Variants in ZNF536 observed in about 807,000 individuals in gnomAD.
ZNF536 encodes zinc finger protein 536.
In ZNF536, 13 loss-of-function variants were observed where a neutral mutation model predicts 84.5. The observed-to-expected ratio is 0.15, with a 90% CI of 0.10 to 0.24. The LOEUF (loss-of-function observed/expected upper bound fraction) is 0.24. Ranked by LOEUF, ZNF536 falls within the 10% of genes least tolerant of loss-of-function variation. ZNF536 has a pLI of 1.00. For synonymous variants in ZNF536, 811 were observed against 742.5 expected, an observed-to-expected ratio of 1.09 and a Z score of -1.50; for missense variants, 1,536 against 1,747.5, an observed-to-expected ratio of 0.88 and a Z score of 2.16.
At chr19:30,676,932 C>T (rs187760408) in intron 1 of ZNF536, among the ~76,000 whole-genome samples, 26 of 152,276 alleles carry the variant, frequency 1.7e-4, no homozygotes, top group African/African-American at 6.3e-4. Context: ...TCTCAAACTC[C>T]TGGCCTCATG....
At chr19:30,340,536 G>C (rs1056786806) in intron 2 of ZNF536, among the ~76,000 whole-genome samples, 1 of 152,144 alleles carries the variant, frequency 6.6e-6, no homozygotes, top group Admixed American at 6.5e-5. Flanking sequence ...CCTAGTGAAG[G>C]GTTGTTTTCT....
At chr19:30,712,211 CAGA>C (rs1266841225) in exon 2 of ZNF536, 2 of 152,034 alleles carry the variant, frequency 1.3e-5, no homozygotes, top group Non-Finnish European at 2.9e-5. Flanking sequence ...CTGCACCACA[CAGA>C]AGGAGATTTT....
At chr19:30,457,739 G>A (rs573294211) in intron 2 of ZNF536, among the ~76,000 whole-genome samples, 6 of 152,202 alleles carry the variant, frequency 3.9e-5, no homozygotes, top group East Asian at 1.9e-4. Context: ...CAGCTGGAGC[G>A]TGCAGAGAAC....
upstream of ZNF536, among the ~76,000 whole-genome samples, chr19:30,371,801 A>AAT (rs111342822): frequency 2.6e-3 from 382 of 147,992 alleles, 3 homozygotes; most frequent in South Asian, 0.016. Flanking sequence ...ATATATAGAG[A>AAT]ATATATATAT....
chr19:30,700,640 GCCTCCTAA>G (rs1280588479), intron 1 of ZNF536, among the ~76,000 whole-genome samples: 7 of 152,078 alleles, frequency 4.6e-5, no homozygotes, highest in Non-Finnish European at 1.0e-4. Context: ...TCCTGCCTTG[GCCTCCTAA>G]AGCTGTGGAA....
intron 2 of ZNF536, among the ~76,000 whole-genome samples, chr19:30,515,917 C>T (rs1422085783): frequency 6.6e-6 from 1 of 150,646 alleles, no homozygotes; most frequent in African/African-American, 2.4e-5. Context: ...TTCCCAGCTA[C>T]TCGTGGGGCT....
chr19:30,507,538 C>T (rs936014633), intron 2 of ZNF536, among the ~76,000 whole-genome samples: 6 of 152,052 alleles, frequency 3.9e-5, no homozygotes, highest in African/African-American at 1.4e-4. Context: ...TAGGGAGAGA[C>T]AGAAACTTAG....
intron 1 of ZNF536, among the ~76,000 whole-genome samples, chr19:30,441,575 A>G (rs2052050380): frequency 6.6e-6 from 1 of 152,188 alleles, no homozygotes; most frequent in Non-Finnish European, 1.5e-5. Flanking sequence ...TGTTGAATGA[A>G]TGCAGCAACC....
chr19:30,539,571 G>T (rs1454285406), intron 3 of ZNF536, among the ~76,000 whole-genome samples: 1 of 152,208 alleles, frequency 6.6e-6, no homozygotes, highest in Non-Finnish European at 1.5e-5. Context: ...GTTGTAACAT[G>T]CAATGGGGAG....
intron 1 of ZNF536, among the ~76,000 whole-genome samples, chr19:30,598,707 G>T (rs1452069286): frequency 1.3e-5 from 2 of 152,040 alleles, no homozygotes; most frequent in Non-Finnish European, 2.9e-5. Flanking sequence ...TATTTTCTAT[G>T]ATTCATTGTG....
At chr19:30,549,549 C>T (rs2146261673) in intron 4 of ZNF536, 35 bp downstream of exon 4, 2 of 1,490,592 alleles carry the variant, frequency 1.3e-6, no homozygotes, top group Non-Finnish European at 1.8e-6. Flanking sequence ...TAGTTCATTT[C>T]CCAAAACATC....
intron 2 of ZNF536, among the ~76,000 whole-genome samples, chr19:30,307,220 G>C (rs929036360): frequency 4.0e-5 from 6 of 151,832 alleles, no homozygotes; most frequent in African/African-American, 1.5e-4. Context: ...AAAAACACTT[G>C]ATGTTAAAAT....
At chr19:30,408,260 G>A (rs1437006757) in intron 1 of ZNF536, among the ~76,000 whole-genome samples, 1 of 152,178 alleles carries the variant, frequency 6.6e-6, no homozygotes, top group African/African-American at 2.4e-5. Context: ...AAATCTGGGT[G>A]TTGCATTCTA....
intron 2 of ZNF536, among the ~76,000 whole-genome samples, chr19:30,347,292 A>G (rs914322581): frequency 6.6e-6 from 1 of 152,150 alleles, no homozygotes; most frequent in East Asian, 1.9e-4. Context: ...GAGCTTTGGT[A>G]GAAGAAATAA....
chr19:30,582,896 T>C (rs530981849), intron 1 of ZNF536, among the ~76,000 whole-genome samples: 16 of 152,332 alleles, frequency 1.1e-4, no homozygotes, highest in African/African-American at 3.8e-4. Flanking sequence ...GTGGGAATTA[T>C]GGGAGCTACA....
chr19:30,292,025 T>A (rs2045857562), intron 2 of ZNF536, among the ~76,000 whole-genome samples: 1 of 152,220 alleles, frequency 6.6e-6, no homozygotes, highest in Non-Finnish European at 1.5e-5. Context: ...GTTGGGTAGT[T>A]GAGACAGAGA....
At chr19:30,559,729 G>T (rs2046091046), downstream of ZNF536, among the ~76,000 whole-genome samples, 3 of 152,146 alleles carry the variant, frequency 2.0e-5, no homozygotes, top group Admixed American at 1.3e-4. Context: ...CTGCTGAAGG[G>T]AACGGATCTT....
chr19:30,417,444 A>G (rs1315210180), intron 1 of ZNF536, among the ~76,000 whole-genome samples: 1 of 152,158 alleles, frequency 6.6e-6, no homozygotes, highest in Admixed American at 6.6e-5. Flanking sequence ...GAGGTGGCAG[A>G]GAAGGAGGGT....
chr19:30,655,041 A>C (rs1221896340), intron 1 of ZNF536, among the ~76,000 whole-genome samples: 1 of 152,234 alleles, frequency 6.6e-6, no homozygotes, highest in Non-Finnish European at 1.5e-5. Context: ...GTGCTCCTAC[A>C]ACGAAGCACT....
Sources: allele counts gnomAD v4.1 joint callset (sites outside exome capture counted in the v4.1 genomes callset), GRCh38; gene constraint gnomAD v4.1.1; transcripts MANE v1.5; gene names NCBI Gene and HGNC (gene_info 2026-07-23, HGNC 2026-07-21).